The following STPG4 variants were observed in gnomAD, a reference collection of about 807,000 sequenced individuals.
STPG4 encodes the protein sperm-tail PG-rich repeat containing 4, also known as protein STPG4.
STPG4 carries 41 observed loss-of-function variants against 31.5 expected under a neutral mutation model. The ratio of observed to expected loss-of-function variants is 1.30; its 90% CI spans 1.01 to 1.69. The LOEUF (loss-of-function observed/expected upper bound fraction) is 1.69. Ranked by LOEUF, STPG4 falls within the 40% of genes most tolerant of loss-of-function variation. The pLI, the probability that STPG4 is intolerant of heterozygous loss-of-function variation, is 0.00. For synonymous variants in STPG4, 141 were observed against 103.0 expected (o/e 1.37, Z -2.24); for missense variants, 375 against 293.4 (o/e 1.28, Z -2.03).
intron 5 of STPG4, among the ~76,000 whole-genome samples, chr2:47,127,590 C>A (rs1303180099): frequency 6.6e-6 from 1 of 152,114 alleles, no homozygotes; most frequent in African/African-American, 2.4e-5. Context: ...ATTCTTTCTT[C>A]TGTTTGATCA....
At chr2:47,089,103 A>G (rs1685517456) in intron 6 of STPG4, among the ~76,000 whole-genome samples, 3 of 152,164 alleles carry the variant, frequency 2.0e-5, no homozygotes, top group African/African-American at 7.2e-5. Context: ...TCCAGTCACC[A>G]CGCCCGTATG....
intron 3 of STPG4, among the ~76,000 whole-genome samples, chr2:47,147,067 G>T (rs551296471): frequency 1.3e-5 from 2 of 152,190 alleles, no homozygotes; most frequent in Admixed American, 6.5e-5. Flanking sequence ...TGAGCCTGGG[G>T]AATCGAGGCT....
chr2:47,114,562 T>C (rs1236854239), intron 5 of STPG4, among the ~76,000 whole-genome samples: 2 of 152,118 alleles, frequency 1.3e-5, no homozygotes, highest in Non-Finnish European at 2.9e-5. Context: ...TATCACAGCA[T>C]TTGTTTTTTA....
intron 3 of STPG4, among the ~76,000 whole-genome samples, chr2:47,140,133 G>C (rs1215848978): frequency 6.6e-6 from 1 of 152,096 alleles, no homozygotes; most frequent in Non-Finnish European, 1.5e-5. Flanking sequence ...ATGAAAATCT[G>C]TGACCATCTG....
intron 3 of STPG4, among the ~76,000 whole-genome samples, chr2:47,146,903 G>A (rs1214791557): frequency 1.3e-5 from 2 of 151,224 alleles, no homozygotes; most frequent in Non-Finnish European, 3.0e-5. Context: ...TTGGGGGGAT[G>A]AGGCAGGAGG....
intron 3 of STPG4, among the ~76,000 whole-genome samples, chr2:47,136,303 G>A (rs928279028): frequency 6.6e-6 from 1 of 151,966 alleles, no homozygotes; most frequent in African/African-American, 2.4e-5. Context: ...CTGCCACCAT[G>A]CCCAGCTAAT....
At chr2:47,148,465 GA>G (rs1434963282) in intron 3 of STPG4, among the ~76,000 whole-genome samples, 1 of 151,876 alleles carries the variant, frequency 6.6e-6, no homozygotes, top group East Asian at 1.9e-4. Context: ...CTCCAATACA[GA>G]TTCTCGAGTT....
At chr2:47,107,737 G>A (rs1331330826) in intron 5 of STPG4, among the ~76,000 whole-genome samples, 1 of 152,178 alleles carries the variant, frequency 6.6e-6, no homozygotes, top group Non-Finnish European at 1.5e-5. Flanking sequence ...AAGCCAGCTG[G>A]GCTCCTGAGT....
chr2:47,105,180 C>T (rs1307762694), intron 5 of STPG4, among the ~76,000 whole-genome samples: 3 of 151,862 alleles, frequency 2.0e-5, no homozygotes, highest in East Asian at 1.9e-4. Context: ...CAGAGAGAGC[C>T]GGGATAGCTC....
In STPG4 at chr2:47,146,996, C is replaced by T. The variant is rs1209234782; in HGVS notation, c.399+4262G>A. Among the ~76,000 whole-genome samples the T allele has an allele frequency of 4.6e-5, 7 of 151,906 alleles. No individual in the cohort carries two copies. In the East Asian group the frequency reaches 7.7e-4, roughly 17 times the overall value. ...CTAAAAATTTAAAAAATTAGCCAGGCATGGTGGCTGGTGCGTGCTTATAGT... is the reference window on the plus strand; with the variant it reads ...CTAAAAATTTAAAAAATTAGCCAGGTATGGTGGCTGGTGCGTGCTTATAGT... On this transcript the variant is annotated intron_variant, in intron 3 of 6. Transcript: ENST00000445927.
At chr2:47,127,644 T>C (rs896272756) in intron 5 of STPG4, among the ~76,000 whole-genome samples, 3 of 152,210 alleles carry the variant, frequency 2.0e-5, no homozygotes, top group African/African-American at 7.2e-5. Context: ...AGCATGTCAA[T>C]TGAATTTTTC....
chr2:47,147,950 A>G (rs996200707), intron 3 of STPG4, among the ~76,000 whole-genome samples: 51 of 123,094 alleles, frequency 4.1e-4, no homozygotes, highest in African/African-American at 1.5e-3. Context: ...ATGTATATAC[A>G]TATTCCTTTT....
chr2:47,111,058 G>A (rs1286412325), intron 5 of STPG4, among the ~76,000 whole-genome samples: 3 of 152,112 alleles, frequency 2.0e-5, no homozygotes, highest in African/African-American at 7.2e-5. Context: ...CTTTAGGAGG[G>A]TTTTCTTAAA....
intron 5 of STPG4, among the ~76,000 whole-genome samples, chr2:47,096,757 A>G (rs1269525230): frequency 6.6e-6 from 1 of 152,238 alleles, no homozygotes; most frequent in Non-Finnish European, 1.5e-5. Context: ...TGTTAAAGAC[A>G]TTTCGTCTAG....
intron 5 of STPG4, among the ~76,000 whole-genome samples, chr2:47,125,729 T>TG (rs1558681434): frequency 1.3e-5 from 2 of 151,684 alleles, no homozygotes; most frequent in Non-Finnish European, 2.9e-5. Context: ...ATTTAATTTT[T>TG]TTTTTTTTAA....
At chr2:47,125,565 G>A (rs1263921013) in intron 5 of STPG4, among the ~76,000 whole-genome samples, 1 of 152,078 alleles carries the variant, frequency 6.6e-6, no homozygotes, top group East Asian at 1.9e-4. Flanking sequence ...CCTTTGTTGT[G>A]CAGAAACTTT....
rs539615537 is a variant in STPG4 at position 47,099,797 on chromosome 2, G to C, written c.520-9423C>G. Among the ~76,000 whole-genome samples, 38 of 152,398 alleles carry C rather than the reference G, an allele frequency of 2.5e-4. 1 individual carries two copies. Among genetic ancestry groups the C allele is most frequent in the African/African-American group, 8.9e-4 (37 of 41,596 alleles). Reference sequence around the variant, plus strand: ...GCGGGCCAGCTGGAGTTCCGGGTGGGCATGGGCTTGGTGGGCCCCACACTC... The same window carrying C: ...GCGGGCCAGCTGGAGTTCCGGGTGGCCATGGGCTTGGTGGGCCCCACACTC... On this transcript the variant is annotated intron_variant, in intron 5 of 6. Coordinates refer to ENST00000445927, the MANE Select transcript of STPG4 (RefSeq NM_001163561.2).
intron 5 of STPG4, among the ~76,000 whole-genome samples, chr2:47,104,813 G>T (rs1182541565): frequency 6.6e-6 from 1 of 151,990 alleles, no homozygotes; most frequent in African/African-American, 2.4e-5. Context: ...AAGGTGTCTA[G>T]GTCGAAGGCC....
At chr2:47,091,427 T>C (rs1573142817) in intron 5 of STPG4, among the ~76,000 whole-genome samples, 1 of 152,194 alleles carries the variant, frequency 6.6e-6, no homozygotes, top group Admixed American at 6.5e-5. Context: ...AAAATGGGAA[T>C]AGCCCAAACA....
Sources: gnomAD v4.1 joint callset for allele counts (sites outside exome capture counted in the v4.1 genomes callset) on GRCh38, gnomAD v4.1.1 for gene constraint, MANE v1.5 for transcripts, NCBI Gene and HGNC (gene_info 2026-07-23, HGNC 2026-07-21) for gene names.